The following DOCK3 variants were observed in gnomAD, a reference collection of about 807,000 sequenced individuals.
DOCK3 encodes dedicator of cytokinesis protein 3.
In DOCK3, 60 loss-of-function variants were observed where a neutral mutation model predicts 265.6. The observed-to-expected ratio is 0.23, with a 90% CI of 0.18 to 0.28. The LOEUF (loss-of-function observed/expected upper bound fraction) is 0.28. DOCK3 is among the 10% of genes least tolerant of loss of function. The probability of loss-of-function intolerance (pLI) is 1.00; values close to 1 mark genes in which losing one functional copy is unlikely to be tolerated. For synonymous variants in DOCK3, 881 were observed against 938.0 expected, an observed-to-expected ratio of 0.94 and a Z score of 1.11; for missense variants, 1,981 against 2,594.3, an observed-to-expected ratio of 0.76 and a Z score of 5.14.
intron 16 of DOCK3, 41 bp downstream of exon 16, chr3:51,227,486 TA>T (rs1316386497): frequency 6.2e-7 from 1 of 1,610,566 alleles, no homozygotes; most frequent in African/African-American, 1.3e-5. Context: ...CTTGAGAATA[TA>T]AATATAACTC....
intron 4 of DOCK3, among the ~76,000 whole-genome samples, chr3:50,902,676 T>C (rs2049262879): frequency 6.6e-6 from 1 of 152,166 alleles, no homozygotes. Context: ...TTTTGTTTCA[T>C]AGGAATTTTA....
chr3:50,753,762 T>A (rs1424480377), intron 1 of DOCK3, among the ~76,000 whole-genome samples: 3 of 152,214 alleles, frequency 2.0e-5, no homozygotes, highest in Non-Finnish European at 2.9e-5. Flanking sequence ...ACTATGTTAT[T>A]ATATTGCAAA....
In DOCK3 at chr3:51,092,182, G is replaced by A. The variant is rs540742966; in HGVS notation, c.746+1798G>A. On this transcript the variant is annotated intron_variant, in intron 9 of 52. Transcript: ENST00000266037. ...CAGAACTGTTCACTCCTCTGGAAAG[G>A]GGTGCTGAAGCCAGGAAGCCAAGTG... Among the ~76,000 whole-genome samples, 22 of 152,264 alleles carry A rather than the reference G, an allele frequency of 1.4e-4. No homozygotes were observed. The East Asian group carries it at 3.5e-3, about 24-fold the overall frequency.
chr3:51,066,680 T>C (rs1560013771), intron 6 of DOCK3, among the ~76,000 whole-genome samples: 2 of 152,016 alleles, frequency 1.3e-5, no homozygotes, highest in South Asian at 2.1e-4. Context: ...TTCTGCAAAG[T>C]AGAAGAATAA....
rs368240297 is a variant in DOCK3, at chr3:50,769,143, A to G, written c.38-9532A>G. On this transcript the variant is annotated intron_variant, in intron 1 of 52. Coordinates refer to ENST00000266037, the MANE Select transcript of DOCK3 (RefSeq NM_004947.5). ...GATATTAACATCCCTTGTCAGATGC[A>G]TAGTTTGCAGATATTTTTTTCCCAT... Among the ~76,000 whole-genome samples, 5 of 151,160 alleles carry G rather than the reference A, an allele frequency of 3.3e-5. No homozygotes were observed. In the East Asian group the frequency reaches 5.8e-4, roughly 18 times the overall value.
intron 27 of DOCK3, among the ~76,000 whole-genome samples, chr3:51,290,327 C>T (rs571779422): frequency 6.6e-6 from 1 of 152,154 alleles, no homozygotes; most frequent in African/African-American, 2.4e-5. Flanking sequence ...AAATGTGGCA[C>T]ATATACACCA....
At chr3:51,271,107 A>G (rs577806741) in intron 24 of DOCK3, 100 bp downstream of exon 24, 11 of 1,339,948 alleles carry the variant, frequency 8.2e-6, no homozygotes, top group East Asian at 2.3e-5. Context: ...AGTTTCCTCA[A>G]CGATTATGCA....
intron 35 of DOCK3, chr3:51,336,777 C>G (rs955471006): frequency 2.3e-6 from 1 of 427,576 alleles, no homozygotes; most frequent in Non-Finnish European, 4.7e-6. Context: ...CAGTTCCTTT[C>G]TGTTTAAGGG....
intron 4 of DOCK3, among the ~76,000 whole-genome samples, chr3:50,892,613 C>G (rs373338195): frequency 9.2e-5 from 14 of 152,136 alleles, no homozygotes; most frequent in African/African-American, 3.4e-4. Flanking sequence ...TGACCTCTTT[C>G]TATCCCACCT....
chr3:51,307,553 GTTTT>G (rs1218104335), intron 27 of DOCK3, among the ~76,000 whole-genome samples: 1 of 151,982 alleles, frequency 6.6e-6, no homozygotes, highest in African/African-American at 2.4e-5. Context: ...TTTGTAAAGT[GTTTT>G]TTTTATGTGT....
chr3:50,939,789 T>C (rs1300971530), intron 5 of DOCK3, among the ~76,000 whole-genome samples: 2 of 152,180 alleles, frequency 1.3e-5, no homozygotes, highest in Non-Finnish European at 2.9e-5. Context: ...ATAGACAGTC[T>C]GCTTTTGTGA....
chr3:51,305,065 C>T (rs1274323928), intron 27 of DOCK3, among the ~76,000 whole-genome samples: 4 of 152,158 alleles, frequency 2.6e-5, no homozygotes, highest in African/African-American at 7.2e-5. Flanking sequence ...GTTCTATAGA[C>T]GTGTGTTAGA....
intron 22 of DOCK3, among the ~76,000 whole-genome samples, chr3:51,250,082 A>G (rs371101021): frequency 2.7e-4 from 41 of 151,956 alleles, no homozygotes; most frequent in Non-Finnish European, 5.0e-4. Context: ...CAGCATGCTC[A>G]TTAAGAGTCA....
intron 10 of DOCK3, among the ~76,000 whole-genome samples, chr3:51,157,533 G>A (rs1281664024): frequency 6.6e-6 from 1 of 152,122 alleles, no homozygotes; most frequent in African/African-American, 2.4e-5. Flanking sequence ...GACATATGCC[G>A]CCATGCCTGG....
chr3:51,243,021 T>G (rs1015971842), intron 21 of DOCK3, among the ~76,000 whole-genome samples: 1 of 152,126 alleles, frequency 6.6e-6, no homozygotes, highest in Non-Finnish European at 1.5e-5. Flanking sequence ...GAGGCTGCCC[T>G]GCAAGCAGGT....
At chr3:50,728,666 T>C (rs1307762803) in intron 1 of DOCK3, among the ~76,000 whole-genome samples, 1 of 152,040 alleles carries the variant, frequency 6.6e-6, no homozygotes, top group Non-Finnish European at 1.5e-5. Context: ...AATGGCTCAG[T>C]TGAACAAAGT....
chr3:51,127,231 C>T (rs768561330), intron 9 of DOCK3, among the ~76,000 whole-genome samples: 1 of 152,096 alleles, frequency 6.6e-6, no homozygotes, highest in Non-Finnish European at 1.5e-5. Context: ...GGTAGGTCTG[C>T]CTTCCCCAGC....
chr3:51,213,803 C>T (rs1480953536), intron 13 of DOCK3, among the ~76,000 whole-genome samples: 1 of 152,156 alleles, frequency 6.6e-6, no homozygotes, highest in Non-Finnish European at 1.5e-5. Context: ...TGTAGTTGAA[C>T]CCTCTCATTC....
chr3:50,700,741 T>C lies in DOCK3; in HGVS notation c.37+25441T>C, dbSNP rs551151763. ...ATTGTGAATAGTGCTGTGATAAACA[T>C]GAGAGTGCCAGCATCCCTTTGATAT... On this transcript the variant is annotated intron_variant, in intron 1 of 52. Coordinates refer to ENST00000266037, the MANE Select transcript of DOCK3 (RefSeq NM_004947.5). 2.6e-5 allele frequency among the ~76,000 whole-genome samples: 4 copies of C among 152,338 alleles called. No homozygotes were observed. In the East Asian group the frequency reaches 7.7e-4, roughly 29 times the overall value.
Sources: allele counts gnomAD v4.1 joint callset (sites outside exome capture counted in the v4.1 genomes callset), GRCh38; gene constraint gnomAD v4.1.1; transcripts MANE v1.5; gene names NCBI Gene and HGNC (gene_info 2026-07-23, HGNC 2026-07-21).